SZT2: variants seen among roughly 807,000 people sequenced by gnomAD.
SZT2 encodes SZT2 subunit of KICSTOR complex.
SZT2 carries 216 observed loss-of-function variants against 404.2 expected under a neutral mutation model. The ratio of observed to expected loss-of-function variants is 0.53; its 90% CI spans 0.48 to 0.60. The LOEUF is 0.60. SZT2 is among the 20% of genes least tolerant of loss of function. The probability of loss-of-function intolerance (pLI) is 0.00; values close to 1 mark genes in which losing one functional copy is unlikely to be tolerated. For missense variants in SZT2, 3,857 were observed against 4,459.2 expected, an observed-to-expected ratio of 0.86 and a Z score of 3.85; for synonymous variants, 1,693 against 1,749.9, an observed-to-expected ratio of 0.97 and a Z score of 0.81.
rs1649921015 is a variant in SZT2, at chr1:43,403,422, T to C, written c.153+120T>C. ...CTTAAGTCTGGTTAGGGCAAGGGAC[T>C]GCCTACAAGATGATGGAAATTTTAA... On this transcript the variant is annotated intron_variant, in intron 2 of 71. Coordinates refer to ENST00000634258, the MANE Select transcript of SZT2 (RefSeq NM_001365999.1). 3 of 1,451,062 alleles carry C rather than the reference T, an allele frequency of 2.1e-6. No individual in the cohort carries two copies. In the Admixed American group the frequency reaches 7.3e-5, roughly 35 times the overall value. 89.9% of individuals were successfully genotyped at this position (1,451,062 alleles called of 1,614,324 possible). A position where few individuals can be genotyped will look rare whatever the true frequency, so the allele number is the denominator to read the frequency against.
intron 41 of SZT2, among the ~76,000 whole-genome samples, chr1:43,434,761 T>C (rs796375317): frequency 7.2e-5 from 11 of 152,286 alleles, no homozygotes; most frequent in Admixed American, 2.0e-4. Flanking sequence ...ATTAGTGATA[T>C]ACTAGTGACC....
intron 3 of SZT2, 80 bp from the exon 4 acceptor site, chr1:43,404,300 G>A: frequency 8.2e-7 from 1 of 1,223,344 alleles, no homozygotes; most frequent in Non-Finnish European, 1.2e-6. Context: ...GTGTCCTACT[G>A]ACCCATGGAA....
chr1:43,446,928 C>T, intron 65 of SZT2, 27 bp from the exon 66 acceptor site: 10 of 1,599,310 alleles, frequency 6.3e-6, no homozygotes, highest in Non-Finnish European at 7.7e-6. Flanking sequence ...CATACCTTAA[C>T]CCTGTCTCCT....
chr1:43,416,956 G>C (rs548540694), intron 7 of SZT2, among the ~76,000 whole-genome samples: 4 of 152,182 alleles, frequency 2.6e-5, no homozygotes, highest in African/African-American at 9.7e-5. Context: ...AGAAAACCCC[G>C]CTCAAACTAG....
chr1:43,453,544 C>G lies in SZT2; in HGVS notation c.*3064C>G, dbSNP rs1656687215. On this transcript the variant is annotated 3_prime_UTR_variant, in exon 72 of 72. Transcript: ENST00000634258. Reference sequence around the variant, plus strand: ...GCCCCCGGCTCGGACACTCCCCTGCCCGCGCCCCGGCACCCCCCAGCCCTC... The same window carrying G: ...GCCCCCGGCTCGGACACTCCCCTGCGCGCGCCCCGGCACCCCCCAGCCCTC... 1 of 1,523,154 alleles carries G rather than the reference C, an allele frequency of 6.6e-7. No individual in the cohort carries two copies. The highest frequency in any genetic ancestry group is 2.0e-5 in the Admixed American group (1 of 48,880). 94.4% of individuals were successfully genotyped at this position (1,523,154 alleles called of 1,614,324 possible).
intron 46 of SZT2, 32 bp from the exon 47 acceptor site, chr1:43,438,667 T>C: frequency 6.2e-7 from 1 of 1,601,060 alleles, no homozygotes; most frequent in Non-Finnish European, 8.6e-7. Context: ...CCTCTACCAG[T>C]GTCCCCACCT....
chr1:43,415,483 G>A (rs1031439144), intron 5 of SZT2, among the ~76,000 whole-genome samples: 7 of 152,126 alleles, frequency 4.6e-5, no homozygotes, highest in African/African-American at 1.7e-4. Context: ...ATCTGAGAAG[G>A]TGATTATGCG....
At chr1:43,429,098 T>C (rs1239375042) in intron 28 of SZT2, 1 of 156,144 alleles carries the variant, frequency 6.4e-6, no homozygotes, top group Non-Finnish European at 1.4e-5. Context: ...AATGAATGCA[T>C]TTTCTTCCCA....
chr1:43,428,196 C>G (rs1653416515), intron 27 of SZT2, 44 bp from the exon 28 acceptor site: 1 of 1,612,892 alleles, frequency 6.2e-7, no homozygotes. Context: ...ACTGGAGAGG[C>G]CATTCCAGAG....
intron 3 of SZT2, chr1:43,404,023 C>A: frequency 1.9e-6 from 1 of 537,868 alleles, no homozygotes; most frequent in South Asian, 2.7e-5. Context: ...TAGCCTGGGC[C>A]ACATGGCAAA....
At position 43,447,967 on chromosome 1, in the gene SZT2, C is replaced by T; in HGVS notation, c.9559C>T (p.Leu3187=). ...EEQGEAERHV[L]RLQFFVVLTS... ...GCAAGGAGAGGCTGAGCGGCACGTT[C>T]TGCGGTCAGCAGATCCCCTACCTTG... Residue 3187 remains leucine (L), a synonymous_variant, in exon 68 of 72, where the codon CTG becomes TTG. Transcript: ENST00000634258. 2 of 1,613,982 alleles carry T rather than the reference C, an allele frequency of 1.2e-6. No individual in the cohort carries two copies. Among genetic ancestry groups the T allele is most frequent in the Middle Eastern group, 1.6e-4 (1 of 6,062 alleles).
In SZT2 at chr1:43,452,673, TC is replaced by T; in HGVS notation, c.*2195del. The T allele has an allele frequency of 1.7e-6, 1 of 603,062 alleles. No individual in the cohort carries two copies. Among genetic ancestry groups the T allele is most frequent in the Non-Finnish European group, 3.0e-6 (1 of 338,790 alleles). The allele number at this position is 603,062 out of a possible 1,614,324, so 37.4% of individuals were successfully genotyped here. ...GGTATTCCATGCTGCTGTCTCTACT[TC>T]CTCTCCTCGCATCTACTTAGCCTTT... On this transcript the variant is annotated 3_prime_UTR_variant, in exon 72 of 72. Coordinates refer to ENST00000634258, the MANE Select transcript of SZT2 (RefSeq NM_001365999.1).
Position 43,434,470 on chromosome 1 carries a change from C to CA in SZT2, c.5890dup (p.Arg1964LysfsTer14). On this transcript the variant is annotated frameshift_variant, in exon 41 of 72. Transcript: ENST00000634258. LOFTEE classifies it high-confidence loss of function. ...TGGTGAGGCGAGTTGGGGAGATCTG[C>CA]AGGGAGGTCAACCAGGTAAGGGGCA... The CA allele has an allele frequency of 6.3e-7, 1 of 1,594,736 alleles. No homozygotes were observed. The highest frequency in any genetic ancestry group is 8.5e-7 in the Non-Finnish European group (1 of 1,172,100).
intron 1 of SZT2, among the ~76,000 whole-genome samples, chr1:43,401,738 G>A (rs1395166233): frequency 3.3e-5 from 5 of 152,186 alleles, no homozygotes; most frequent in East Asian, 1.9e-4. Context: ...CACCCGCCTC[G>A]GCCTCCTGAA....
rs371712799 is a variant in SZT2, at chr1:43,451,772, T to C, written c.*1292T>C. 12 of 1,613,912 alleles carry C rather than the reference T, an allele frequency of 7.4e-6. No homozygotes were observed. Among genetic ancestry groups the C allele is most frequent in the African/African-American group, 6.7e-5 (5 of 74,922 alleles). On this transcript the variant is annotated 3_prime_UTR_variant, in exon 72 of 72. Transcript: ENST00000634258. ...CCCGCAGGCCCCGCCCTCCTTCCGA[T>C]CTGCGAAGTACCCCCTTCCACTTAC... is the stretch of plus-strand genomic sequence containing the variant.
intron 1 of SZT2, among the ~76,000 whole-genome samples, chr1:43,391,799 AGGCCGGGCGCGGTGGCTCACGCC>A (rs1648362659): frequency 7.7e-6 from 1 of 130,362 alleles, no homozygotes; most frequent in African/African-American, 2.9e-5. Flanking sequence ...AAATGAAACA[AGGCCGGGCGCGGTGGCTCACGCC>A]TGTAATCCCA....
In SZT2 at chr1:43,415,135, G is replaced by C; in HGVS notation, c.552G>C (p.Gln184His). The C allele has an allele frequency of 6.3e-7, 1 of 1,598,164 alleles. No homozygotes were observed. Among genetic ancestry groups the C allele is most frequent in the Non-Finnish European group, 8.5e-7 (1 of 1,179,612 alleles). The change falls in exon 5 of 72, where the codon CAG becomes CAC. Residue 184 changes from glutamine (Q) to histidine (H), a missense_variant. By Grantham distance (24) the Gln-to-His change is conservative. Transcript: ENST00000634258. ...LDPSQREVFL[Q>H]QIYEQLCLFE... Reference sequence around the variant, plus strand: ...CTTCCCAGCGGGAGGTGTTCCTGCAGCAGATATATGAGCAGCTCTGCCTCT... The same window carrying C: ...CTTCCCAGCGGGAGGTGTTCCTGCACCAGATATATGAGCAGCTCTGCCTCT...
chr1:43,432,772 C>T lies in SZT2; in HGVS notation c.5575C>T (p.Gln1859Ter). The change falls in exon 39 of 72, where the codon CAG becomes TAG. Residue 1859 changes from glutamine to a stop codon, truncating the protein, a stop_gained. Coordinates refer to ENST00000634258, the MANE Select transcript of SZT2 (RefSeq NM_001365999.1). LOFTEE classifies it high-confidence loss of function. ...PSRGLSLMSS[Q>*]GSVDSDHLGY... The stretch of plus-strand genomic sequence containing the variant: ...CCGGGGATTAAGTCTCATGTCCAGT[C>T]AGGGCAGTGTGGACTCAGACCACCT... The T allele has an allele frequency of 1.2e-6, 2 of 1,613,912 alleles. No individual in the cohort carries two copies. The highest frequency in any genetic ancestry group is 2.7e-5 in the African/African-American group (2 of 75,006).
In SZT2 at chr1:43,439,246, T is replaced by C. The variant is rs1214210592; in HGVS notation, c.6793-112T>C. The C allele has an allele frequency of 1.3e-6, 2 of 1,519,976 alleles. No homozygotes were observed. Among genetic ancestry groups the C allele is most frequent in the Non-Finnish European group, 1.8e-6 (2 of 1,099,936 alleles). 94.2% of individuals were successfully genotyped at this position (1,519,976 alleles called of 1,614,324 possible). ...CGGGGACCATTATTACCCGCCTGTG[T>C]CTTCTCATGCTCCCATATCTACCTG... On this transcript the variant is annotated intron_variant, in intron 48 of 71. Transcript: ENST00000634258. This position sits in a 1 kb window ranked among gnomAD's most constrained non-coding sequence, Gnocchi z 4.2.
Sources: allele counts gnomAD v4.1 joint callset (sites outside exome capture counted in the v4.1 genomes callset), GRCh38; gene constraint gnomAD v4.1.1; non-coding constraint Gnocchi (gnomAD v3.1); transcripts MANE v1.5; gene names NCBI Gene and HGNC (gene_info 2026-07-23, HGNC 2026-07-21).